The following BRD4 variants were observed in gnomAD, a reference collection of about 807,000 sequenced individuals.
BRD4 encodes bromodomain containing 4.
Under a neutral mutation model 142.1 loss-of-function variants are expected in BRD4, and 16 were observed. The observed-to-expected ratio is 0.11, with a 90% CI of 0.08 to 0.17. The LOEUF (loss-of-function observed/expected upper bound fraction) is 0.17. BRD4 is among the 10% of genes least tolerant of loss of function. The pLI, the probability that BRD4 is intolerant of heterozygous loss-of-function variation, is 1.00. For synonymous variants in BRD4, 833 were observed against 707.5 expected, an observed-to-expected ratio of 1.18 and a Z score of -2.82; for missense variants, 1,424 against 1,810.9, an observed-to-expected ratio of 0.79 and a Z score of 3.88.
chr19:15,309,014 CAACAAACA>C (rs539315954), intron 1 of BRD4, among the ~76,000 whole-genome samples: 88 of 151,002 alleles, frequency 5.8e-4, no homozygotes, highest in African/African-American at 1.8e-3. Context: ...GACTCCATCT[CAACAAACA>C]AACAAACAAA....
At chr19:15,243,531 G>A (rs1188297439) in intron 13 of BRD4, 44 bp from the exon 14 acceptor site, 3 of 1,500,912 alleles carry the variant, frequency 2.0e-6, no homozygotes, top group South Asian at 2.7e-5. Context: ...GAGCACCTGT[G>A]GCCCCAGCCT....
In BRD4 at chr19:15,239,334, C is replaced by T. The variant is rs1040899844; in HGVS notation, c.3576+58G>A. 1.5e-5 allele frequency: 24 copies of T among 1,613,958 alleles called. 1 individual carries two copies. In the South Asian group the frequency reaches 2.5e-4, roughly 17 times the overall value. On this transcript the variant is annotated intron_variant, in intron 17 of 19. Transcript: ENST00000679869. This position sits in a 1 kb window ranked among gnomAD's most constrained non-coding sequence, Gnocchi z 7.4. ...TAAAGGGCATAGCTGGGGGTGTGCC[C>T]AGCATGGCACCTTCCAGGGCCAAGG...
chr19:15,253,115 A>C, intron 11 of BRD4: 1 of 260,992 alleles, frequency 3.8e-6, no homozygotes. Context: ...CCCACTCCCC[A>C]GTCTGCCTGA....
intron 1 of BRD4, among the ~76,000 whole-genome samples, chr19:15,276,252 G>C (rs2047645080): frequency 6.6e-6 from 1 of 152,174 alleles, no homozygotes; most frequent in African/African-American, 2.4e-5. Flanking sequence ...CTGTTATGGG[G>C]CAAGAAAGAG....
At chr19:15,312,191 C>T (rs1259889102) in intron 1 of BRD4, among the ~76,000 whole-genome samples, 1 of 152,182 alleles carries the variant, frequency 6.6e-6, no homozygotes, top group Non-Finnish European at 1.5e-5. Context: ...ACACCTACTA[C>T]TAATAAAAGC....
chr19:15,264,380 T>C, intron 6 of BRD4, 24 bp downstream of exon 6: 1 of 1,570,770 alleles, frequency 6.4e-7, no homozygotes, highest in South Asian at 1.2e-5. Flanking sequence ...ACCTTGTCCC[T>C]TCCCTCAGGC....
At chr19:15,249,022 C>T (rs2047316914) in intron 11 of BRD4, 2 of 567,942 alleles carry the variant, frequency 3.5e-6, no homozygotes, top group Non-Finnish European at 6.3e-6. Context: ...ACCAGGAAGG[C>T]TGGGCAGGAC....
At chr19:15,319,179 T>TA (rs963644523) in intron 1 of BRD4, among the ~76,000 whole-genome samples, 8 of 149,672 alleles carry the variant, frequency 5.3e-5, no homozygotes, top group South Asian at 2.1e-4. Context: ...CTTCAAAAAA[T>TA]AAAAAAAAGG....
intron 2 of BRD4, among the ~76,000 whole-genome samples, chr19:15,271,966 C>CTCTGGTGTGCACACACCAGTG (rs2047592935): frequency 8.1e-6 from 1 of 123,446 alleles, no homozygotes; most frequent in Non-Finnish European, 1.7e-5. Flanking sequence ...ACACACCAGT[C>CTCTGGTGTGCACACACCAGTG]TGGGTCAGTG....
At chr19:15,292,465 A>T (rs1813300063) in intron 1 of BRD4, among the ~76,000 whole-genome samples, 1 of 152,194 alleles carries the variant, frequency 6.6e-6, no homozygotes, top group African/African-American at 2.4e-5. Flanking sequence ...GCAAATGAGA[A>T]AACAACTGTA....
At chr19:15,253,556 T>C (rs1307559315) in intron 11 of BRD4, 1 of 1,558,312 alleles carries the variant, frequency 6.4e-7, no homozygotes, top group East Asian at 2.4e-5. Flanking sequence ...TTAGGGCAGA[T>C]TCAGGAGCAG....
At chr19:15,285,584 T>G (rs2047733889) in intron 1 of BRD4, among the ~76,000 whole-genome samples, 1 of 151,804 alleles carries the variant, frequency 6.6e-6, no homozygotes, top group East Asian at 1.9e-4. Flanking sequence ...AAAAAAAATC[T>G]AAGGATGTAG....
chr19:15,244,034 G>T (rs1467026683), intron 13 of BRD4, among the ~76,000 whole-genome samples, 197 bp downstream of exon 13: 2 of 152,212 alleles, frequency 1.3e-5, no homozygotes, highest in Non-Finnish European at 2.9e-5. Context: ...GAATCAACGT[G>T]TTAATAACTC....
chr19:15,251,269 AG>A (rs2047340853), intron 11 of BRD4, among the ~76,000 whole-genome samples: 1 of 152,020 alleles, frequency 6.6e-6, no homozygotes, highest in Non-Finnish European at 1.5e-5. Flanking sequence ...AGCTACCAAG[AG>A]GGGTGTTCAT....
At chr19:15,254,930 A>G (rs1232840511) in intron 10 of BRD4, among the ~76,000 whole-genome samples, 3 of 152,208 alleles carry the variant, frequency 2.0e-5, no homozygotes, top group Non-Finnish European at 4.4e-5. Flanking sequence ...TCAGTGCTGC[A>G]TAACGTATCG....
Position 15,255,316 on chromosome 19 carries a change from C to A in BRD4, c.2028G>T (p.Arg676=), listed in dbSNP as rs200494093. The A allele has an allele frequency of 4.3e-6, 7 of 1,612,774 alleles. No individual in the cohort carries two copies. In the African/African-American group the frequency reaches 8.0e-5, roughly 18 times the overall value. ...ELERYVTSCL[R]KKRKPQAEKV... ...GCACACCTTGAGGTTTCCTTTTCTT[C>A]CGCAAACAGGAGGTGACATAGCGCT... The change falls in exon 10 of 20, where the codon CGG becomes CGT. Residue 676 remains arginine, a synonymous_variant. Coordinates refer to ENST00000679869, the MANE Select transcript of BRD4 (RefSeq NM_001379291.1).
intron 1 of BRD4, among the ~76,000 whole-genome samples, chr19:15,313,304 C>T (rs1034768982): frequency 4.2e-5 from 6 of 144,180 alleles, no homozygotes; most frequent in Non-Finnish European, 7.5e-5. Flanking sequence ...ATCCGGAAGG[C>T]GGAGCTTGCC....
chr19:15,243,185 GT>G lies in BRD4; in HGVS notation c.2883del (p.His963ThrfsTer105). 1 of 1,068,308 alleles carries G rather than the reference GT, an allele frequency of 9.4e-7. No individual in the cohort carries two copies. The highest frequency in any genetic ancestry group is 1.3e-6 in the Non-Finnish European group (1 of 775,552). The allele number at this position is 1,068,308 out of a possible 1,614,324, so 66.2% of individuals were successfully genotyped here. A position where few individuals can be genotyped will look rare whatever the true frequency, so the allele number is the denominator to read the frequency against. ...QSQPPPPLPPPPHPSVQQQLQ... is the reference protein window; with the variant it reads ...QSQPPPPLPPXPHPSVQQQLQ... ...AGCTGCTGCTGCACAGAGGGGTGGGGTGGGGGCGGCAGGGGGGGTGGGGGCT... is the reference window on the plus strand; with the variant it reads ...AGCTGCTGCTGCACAGAGGGGTGGGGGGGGGCGGCAGGGGGGGTGGGGGCT... On this transcript the variant is annotated frameshift_variant, in exon 14 of 20. Transcript: ENST00000679869. LOFTEE classifies it high-confidence loss of function.
intron 14 of BRD4, among the ~76,000 whole-genome samples, chr19:15,240,785 CCT>C (rs953764069): frequency 8.5e-5 from 13 of 152,318 alleles, no homozygotes; most frequent in East Asian, 5.8e-4. Context: ...CAACATGTGG[CCT>C]CTCTCTGCTG....
Sources: gnomAD v4.1 joint callset for allele counts (sites outside exome capture counted in the v4.1 genomes callset) on GRCh38, gnomAD v4.1.1 for gene constraint, Gnocchi (gnomAD v3.1) non-coding constraint, MANE v1.5 for transcripts, NCBI Gene and HGNC (gene_info 2026-07-23, HGNC 2026-07-21) for gene names.